Variants in FBXL17 observed in about 807,000 individuals in gnomAD.
The protein encoded by FBXL17 is F-box/LRR-repeat protein 17.
In FBXL17, 22 loss-of-function variants were observed where a neutral mutation model predicts 66.2. That is an observed-to-expected ratio of 0.33 (90% confidence interval 0.24 to 0.47). The LOEUF (loss-of-function observed/expected upper bound fraction) is 0.47. FBXL17 is among the 20% of genes least tolerant of loss of function. The pLI, the probability that FBXL17 is intolerant of heterozygous loss-of-function variation, is 1.00. For missense variants in FBXL17, 878 were observed against 948.2 expected (o/e 0.93, Z 0.97); for synonymous variants, 474 against 400.5 (o/e 1.18, Z -2.19).
At chr5:107,898,082 G>A (rs1259561485) in intron 7 of FBXL17, among the ~76,000 whole-genome samples, 1 of 152,120 alleles carries the variant, frequency 6.6e-6, no homozygotes, top group African/African-American at 2.4e-5. Flanking sequence ...AGATGTAGAA[G>A]AAGCTGTGAA....
intron 7 of FBXL17, among the ~76,000 whole-genome samples, chr5:107,925,791 T>G (rs1750506362): frequency 6.6e-6 from 1 of 152,150 alleles, no homozygotes; most frequent in Admixed American, 6.5e-5. Flanking sequence ...TGAGATAACC[T>G]CTTAAATAAA....
intron 4 of FBXL17, among the ~76,000 whole-genome samples, chr5:108,333,639 T>C (rs1429038245): frequency 6.6e-6 from 1 of 152,104 alleles, no homozygotes; most frequent in African/African-American, 2.4e-5. Context: ...AAACTGTCAA[T>C]TCTCAATTTA....
chr5:108,061,513 ACC>A (rs1747923289), intron 6 of FBXL17, among the ~76,000 whole-genome samples: 2 of 152,050 alleles, frequency 1.3e-5, no homozygotes, highest in Non-Finnish European at 2.9e-5. Context: ...GGCCCTCTCA[ACC>A]ACAGTCACAA....
chr5:108,230,252 G>T (rs1755269481), intron 4 of FBXL17, among the ~76,000 whole-genome samples: 1 of 152,078 alleles, frequency 6.6e-6, no homozygotes, highest in African/African-American at 2.4e-5. Flanking sequence ...GTCATTATAT[G>T]AAAAAGATAC....
intron 4 of FBXL17, among the ~76,000 whole-genome samples, chr5:108,297,505 CTA>C (rs1295249798): frequency 6.6e-6 from 1 of 151,576 alleles, no homozygotes; most frequent in African/African-American, 2.4e-5. Context: ...TATTTTCAGA[CTA>C]TGTGGCAATT....
At chr5:108,335,786 T>C (rs1374083287) in intron 4 of FBXL17, among the ~76,000 whole-genome samples, 1 of 152,166 alleles carries the variant, frequency 6.6e-6, no homozygotes, top group Non-Finnish European at 1.5e-5. Context: ...TAACATAAAG[T>C]ATATTAGAAA....
At chr5:108,168,096 A>G (rs1201496918) in intron 6 of FBXL17, among the ~76,000 whole-genome samples, 1 of 152,240 alleles carries the variant, frequency 6.6e-6, no homozygotes, top group African/African-American at 2.4e-5. Context: ...AATGAATGAC[A>G]TAATTTGTGA....
intron 7 of FBXL17, among the ~76,000 whole-genome samples, chr5:108,009,228 T>C (rs1289391596): frequency 2.0e-4 from 4 of 20,390 alleles, no homozygotes; most frequent in African/African-American, 7.7e-4. Context: ...TATATATATA[T>C]ATATACAGCT....
intron 4 of FBXL17, among the ~76,000 whole-genome samples, chr5:108,268,072 T>A (rs1313772195): frequency 6.6e-6 from 1 of 151,938 alleles, no homozygotes; most frequent in Non-Finnish European, 1.5e-5. Flanking sequence ...ACATGTCCCA[T>A]CCTCTAGTAT....
At chr5:108,056,475 T>C (rs1273524334) in intron 6 of FBXL17, among the ~76,000 whole-genome samples, 1 of 152,262 alleles carries the variant, frequency 6.6e-6, no homozygotes, top group African/African-American at 2.4e-5. Context: ...AACCCTAATA[T>C]GATCTGAGAC....
chr5:108,161,136 G>A (rs918285642), intron 6 of FBXL17, among the ~76,000 whole-genome samples: 4 of 145,020 alleles, frequency 2.8e-5, no homozygotes, highest in Non-Finnish European at 4.5e-5. Flanking sequence ...ACTGTGGCAT[G>A]TTGGGAATAA....
intron 4 of FBXL17, among the ~76,000 whole-genome samples, chr5:108,259,568 A>T (rs2150123938): frequency 6.6e-6 from 1 of 152,240 alleles, no homozygotes; most frequent in Non-Finnish European, 1.5e-5. Flanking sequence ...TTAGAAATGA[A>T]TATGACTAAT....
rs1749502986 is a variant in FBXL17 at position 108,377,229 on chromosome 5, T to C, written c.993+3470A>G. The stretch of plus-strand genomic sequence containing the variant: ...GCTCTCAGTTAGACAACCTCAGGTC[T>C]CCCCTACACATGTGCATAGTTTCAC... On this transcript the variant is annotated intron_variant, in intron 1 of 8. Coordinates refer to ENST00000542267, the MANE Select transcript of FBXL17 (RefSeq NM_001163315.3). 2.0e-5 allele frequency among the ~76,000 whole-genome samples: 3 copies of C among 152,200 alleles called. No homozygotes were observed. The South Asian group carries it at 6.2e-4, about 32-fold the overall frequency.
In FBXL17 at chr5:108,343,841, T is replaced by C. The variant is rs143118494; in HGVS notation, c.1506+4558A>G. Among the ~76,000 whole-genome samples the C allele has an allele frequency of 2.6e-5, 4 of 152,214 alleles. No homozygotes were observed. In the East Asian group the frequency reaches 5.8e-4, roughly 22 times the overall value. On this transcript the variant is annotated intron_variant, in intron 4 of 8. Coordinates refer to ENST00000542267, the MANE Select transcript of FBXL17 (RefSeq NM_001163315.3). ...GATATTAGACATTGATACAGCCCAA[T>C]TCAAATTAGTAAACTGCAGAAAGCA... is the stretch of plus-strand genomic sequence containing the variant.
At chr5:107,869,138 G>T (rs1748372351) in intron 8 of FBXL17, among the ~76,000 whole-genome samples, 1 of 152,170 alleles carries the variant, frequency 6.6e-6, no homozygotes, top group Non-Finnish European at 1.5e-5. Context: ...CTTCACACTG[G>T]TCTGTCACTC....
intron 1 of FBXL17, 82 bp downstream of exon 1, chr5:108,380,617 G>C (rs543882181): frequency 3.3e-6 from 3 of 912,154 alleles, no homozygotes; most frequent in East Asian, 3.3e-5. Flanking sequence ...TCCGCGCTTA[G>C]GGGGAGGAGA....
At chr5:108,073,939 A>G (rs564645648) in intron 6 of FBXL17, among the ~76,000 whole-genome samples, 87 of 152,282 alleles carry the variant, frequency 5.7e-4, no homozygotes, top group Admixed American at 4.1e-3. Flanking sequence ...TTTTCTTTAT[A>G]TATTACCCAG....
intron 6 of FBXL17, among the ~76,000 whole-genome samples, chr5:108,174,963 A>G (rs1466306928): frequency 6.6e-6 from 1 of 152,162 alleles, no homozygotes; most frequent in Non-Finnish European, 1.5e-5. Context: ...AATGGCATGT[A>G]ATACATAACG....
intron 7 of FBXL17, among the ~76,000 whole-genome samples, chr5:107,993,325 G>C (rs1753334866): frequency 6.6e-6 from 1 of 152,154 alleles, no homozygotes; most frequent in South Asian, 2.1e-4. Context: ...GTAAGATGAT[G>C]AGTGATTATT....
Sources: allele counts gnomAD v4.1 joint callset (sites outside exome capture counted in the v4.1 genomes callset), GRCh38; gene constraint gnomAD v4.1.1; transcripts MANE v1.5; gene names NCBI Gene and HGNC (gene_info 2026-07-23, HGNC 2026-07-21).